Variants in EPHB2 observed in about 807,000 individuals in gnomAD.
EPHB2 encodes the protein ephrin type-B receptor 2.
Under a neutral mutation model 96.4 loss-of-function variants are expected in EPHB2, and 18 were observed. The ratio of observed to expected loss-of-function variants is 0.19; its 90% CI spans 0.13 to 0.28. EPHB2 has a LOEUF of 0.28. Ranked by LOEUF, EPHB2 falls within the 10% of genes least tolerant of loss-of-function variation. The pLI is 1.00. For missense variants in EPHB2, 989 were observed against 1,355.4 expected (o/e 0.73, Z 4.25); for synonymous variants, 506 against 534.1 (o/e 0.95, Z 0.72).
intron 3 of EPHB2, among the ~76,000 whole-genome samples, chr1:22,825,689 G>A (rs1253262831): frequency 3.9e-5 from 6 of 152,262 alleles, no homozygotes; most frequent in Admixed American, 3.9e-4. Flanking sequence ...GTGGGAGCCA[G>A]GGGCTAGGGC....
intron 5 of EPHB2, among the ~76,000 whole-genome samples, chr1:22,878,825 G>A (rs7528104): frequency 6.6e-6 from 1 of 152,236 alleles, no homozygotes; most frequent in Non-Finnish European, 1.5e-5. Flanking sequence ...CCTGGGCACT[G>A]TGCGGGTCTA....
At chr1:22,767,889 G>T (rs1044737073) in intron 1 of EPHB2, among the ~76,000 whole-genome samples, 11 of 152,232 alleles carry the variant, frequency 7.2e-5, no homozygotes, top group African/African-American at 2.4e-4. Context: ...CTCTGGTGAA[G>T]ATGGTGATGG....
intron 1 of EPHB2, among the ~76,000 whole-genome samples, chr1:22,762,749 A>G (rs1371699283): frequency 4.6e-5 from 7 of 152,170 alleles, no homozygotes; most frequent in Admixed American, 3.9e-4. Context: ...GACTTGACCA[A>G]TGGCCACTAT....
chr1:22,711,494 G>T (rs1306635827), intron 1 of EPHB2, among the ~76,000 whole-genome samples: 1 of 150,916 alleles, frequency 6.6e-6, no homozygotes, highest in Non-Finnish European at 1.5e-5. Flanking sequence ...GGGAGGCACC[G>T]CGGCCGGCCG....
At position 22,913,751 on chromosome 1, in the gene EPHB2, G is replaced by A. The variant is rs188399389; in HGVS notation, c.*181G>A. The A allele has an allele frequency of 4.2e-4, 668 of 1,601,980 alleles. 8 individuals are homozygous for A. The African/African-American group carries it at 6.9e-3, about 16-fold the overall frequency. On this transcript the variant is annotated 3_prime_UTR_variant, in exon 16 of 16. Coordinates refer to ENST00000374630, the MANE Select transcript of EPHB2 (RefSeq NM_017449.5). This position sits in a 1 kb window ranked among gnomAD's most constrained non-coding sequence, Gnocchi z 4.1. ...CAAGAAAACATGCAACTCAAACGAC[G>A]GAAAAAAAAAGGGAATGGGAAAAAA...
Position 22,906,956 on chromosome 1 carries a change from G to C in EPHB2, c.2135G>C (p.Arg712Pro). ...AATGGCTCCCTGGACTCCTTTCTCC[G>C]GGTAGGGGAAGCCAAGAGGGCCAGG... ...MENGSLDSFL[R>P]QNDGQFTVIQ... Residue 712 changes from arginine to proline, a missense_variant and splice_region_variant, in exon 11 of 16, where the codon CGG (arginine) becomes CCG (proline). Arg to Pro is a moderately radical substitution (Grantham distance 103). Coordinates refer to ENST00000374630, the MANE Select transcript of EPHB2 (RefSeq NM_017449.5). This position sits in a 1 kb window ranked among gnomAD's most constrained non-coding sequence, Gnocchi z 4.8. 1 of 1,605,788 alleles carries C rather than the reference G, an allele frequency of 6.2e-7. No homozygotes were observed. The highest frequency in any genetic ancestry group is 8.5e-7 in the Non-Finnish European group (1 of 1,174,114).
At chr1:22,711,069 C>G (rs1295095246) in intron 1 of EPHB2, 26 bp downstream of exon 1, 1 of 146,318 alleles carries the variant, frequency 6.8e-6, no homozygotes, top group Non-Finnish European at 1.5e-5. Flanking sequence ...GGCGGGCGGG[C>G]GATGGGGGCG....
At chr1:22,760,698 A>G (rs1413597258) in intron 1 of EPHB2, among the ~76,000 whole-genome samples, 3 of 152,118 alleles carry the variant, frequency 2.0e-5, no homozygotes, top group Non-Finnish European at 2.9e-5. Context: ...GCACACCCCA[A>G]GGCCTGTGTG....
At chr1:22,888,174 T>C (rs1639286407) in intron 6 of EPHB2, among the ~76,000 whole-genome samples, 1 of 152,210 alleles carries the variant, frequency 6.6e-6, no homozygotes, top group African/African-American at 2.4e-5. Flanking sequence ...CCCAAGTAGC[T>C]GGGATTACAG....
At chr1:22,747,104 G>A (rs560173412) in intron 1 of EPHB2, among the ~76,000 whole-genome samples, 9 of 152,282 alleles carry the variant, frequency 5.9e-5, no homozygotes, top group South Asian at 4.1e-4. Context: ...AGCCAAACTC[G>A]GGTTCTGCAT....
At chr1:22,787,801 G>A (rs1644633802) in intron 3 of EPHB2, among the ~76,000 whole-genome samples, 1 of 152,172 alleles carries the variant, frequency 6.6e-6, no homozygotes, top group Admixed American at 6.5e-5. Context: ...TCCAGGTGTG[G>A]TTTAGCTGGG....
intron 5 of EPHB2, among the ~76,000 whole-genome samples, chr1:22,873,157 C>T (rs74061058): frequency 0.011 from 1,678 of 152,352 alleles, 31 homozygotes; most frequent in African/African-American, 0.037. Flanking sequence ...AAGCACTTAG[C>T]TAGCTGGGGA....
At chr1:22,842,377 G>C (rs754557655) in intron 3 of EPHB2, among the ~76,000 whole-genome samples, 1 of 152,204 alleles carries the variant, frequency 6.6e-6, no homozygotes, top group African/African-American at 2.4e-5. Context: ...GGGTGTTACC[G>C]AAGGCTGAAG....
chr1:22,870,275 G>C (rs1324927201), intron 5 of EPHB2, among the ~76,000 whole-genome samples: 1 of 152,144 alleles, frequency 6.6e-6, no homozygotes, highest in African/African-American at 2.4e-5. Context: ...TGCCTTTCCA[G>C]AGCACCTTTC....
chr1:22,896,685 C>T (rs1639576670), intron 9 of EPHB2, among the ~76,000 whole-genome samples: 2 of 152,210 alleles, frequency 1.3e-5, no homozygotes, highest in Non-Finnish European at 2.9e-5. Flanking sequence ...TTTCCCTTTA[C>T]CCATGTAGCT....
chr1:22,862,216 A>G (rs1053795327), intron 3 of EPHB2, among the ~76,000 whole-genome samples: 5 of 152,256 alleles, frequency 3.3e-5, no homozygotes, highest in South Asian at 4.1e-4. Flanking sequence ...GGTGGACTCC[A>G]TATCAGGGAT....
chr1:22,857,653 A>T (rs1252551353), intron 3 of EPHB2, among the ~76,000 whole-genome samples: 1 of 152,098 alleles, frequency 6.6e-6, no homozygotes, highest in Non-Finnish European at 1.5e-5. Flanking sequence ...GACCATGGGG[A>T]GAACAAATGG....
chr1:22,779,970 C>G (rs1644506054), intron 1 of EPHB2, among the ~76,000 whole-genome samples: 1 of 152,194 alleles, frequency 6.6e-6, no homozygotes, highest in African/African-American at 2.4e-5. Flanking sequence ...TCCCCCTACT[C>G]TCTCATAGCT....
chr1:22,815,181 GT>G (rs1645055749), intron 3 of EPHB2, among the ~76,000 whole-genome samples: 1 of 152,142 alleles, frequency 6.6e-6, no homozygotes, highest in Non-Finnish European at 1.5e-5. Context: ...GGCCCACCAC[GT>G]GCCTGCTCTT....
Sources: gnomAD v4.1 joint callset for allele counts (sites outside exome capture counted in the v4.1 genomes callset) on GRCh38, gnomAD v4.1.1 for gene constraint, Gnocchi (gnomAD v3.1) non-coding constraint, MANE v1.5 for transcripts, NCBI Gene and HGNC (gene_info 2026-07-23, HGNC 2026-07-21) for gene names.